Variants in INPP4B observed in about 807,000 individuals in gnomAD.
INPP4B encodes the protein inositol polyphosphate 4-phosphatase type II.
In INPP4B, 55 loss-of-function variants were observed where a neutral mutation model predicts 122.5. The ratio of observed to expected loss-of-function variants is 0.45; its 90% CI spans 0.36 to 0.56. The LOEUF (loss-of-function observed/expected upper bound fraction) is 0.56. Ranked by LOEUF, INPP4B falls within the 20% of genes least tolerant of loss-of-function variation. The probability of loss-of-function intolerance (pLI) is 0.00; values close to 1 mark genes in which losing one functional copy is unlikely to be tolerated. For synonymous variants in INPP4B, 403 were observed against 388.7 expected (o/e 1.04, Z -0.43); for missense variants, 1,000 against 1,097.7 (o/e 0.91, Z 1.26).
chr4:142,193,002 G>T, intron 15 of INPP4B, 85 bp downstream of exon 15: 1 of 782,530 alleles, frequency 1.3e-6, no homozygotes, highest in Non-Finnish European at 2.2e-6. Flanking sequence ...TATACATTGT[G>T]ATGGACCAAT....
chr4:142,345,514 G>A, intron 7 of INPP4B, among the ~76,000 whole-genome samples: 1 of 151,996 alleles, frequency 6.6e-6, no homozygotes, highest in East Asian at 1.9e-4. Context: ...AATGGGTGTA[G>A]TTATATCACT....
chr4:142,257,024 A>T (rs1217961010), intron 11 of INPP4B, among the ~76,000 whole-genome samples: 2 of 152,244 alleles, frequency 1.3e-5, no homozygotes, highest in Non-Finnish European at 2.9e-5. Flanking sequence ...AGTGGGTTTC[A>T]TCCCTAGGAT....
intron 2 of INPP4B, among the ~76,000 whole-genome samples, chr4:142,603,018 T>G (rs1740394481): frequency 1.3e-5 from 2 of 152,140 alleles, no homozygotes; most frequent in African/African-American, 4.8e-5. Context: ...AAGAAAATGT[T>G]AAATATACAC....
chr4:142,120,104 C>T (rs1795938486), intron 21 of INPP4B, among the ~76,000 whole-genome samples: 1 of 151,862 alleles, frequency 6.6e-6, no homozygotes, highest in Non-Finnish European at 1.5e-5. Context: ...AAAGATTCTC[C>T]ATTCTCCATT....
At chr4:142,054,741 T>C (rs1044946513) in intron 25 of INPP4B, among the ~76,000 whole-genome samples, 1 of 152,116 alleles carries the variant, frequency 6.6e-6, no homozygotes, top group Non-Finnish European at 1.5e-5. Flanking sequence ...TATATCATGC[T>C]TAAATACATC....
chr4:142,653,304 T>C (rs1035665256), intron 2 of INPP4B, among the ~76,000 whole-genome samples: 1 of 152,152 alleles, frequency 6.6e-6, no homozygotes, highest in Admixed American at 6.5e-5. Context: ...ATTCAGAACA[T>C]AGGCATGGGC....
intron 1 of INPP4B, among the ~76,000 whole-genome samples, chr4:142,726,969 C>T (rs528300292): frequency 6.6e-6 from 1 of 152,036 alleles, no homozygotes; most frequent in Non-Finnish European, 1.5e-5. Flanking sequence ...ATTATTATTC[C>T]TATTATTATC....
intron 9 of INPP4B, among the ~76,000 whole-genome samples, chr4:142,295,377 A>G (rs1561776848): frequency 6.6e-6 from 1 of 152,072 alleles, no homozygotes; most frequent in Non-Finnish European, 1.5e-5. Context: ...TGGAGGCATG[A>G]TGTGTGGGGA....
chr4:142,528,919 T>G (rs1827258847), intron 2 of INPP4B, among the ~76,000 whole-genome samples: 1 of 152,160 alleles, frequency 6.6e-6, no homozygotes, highest in Non-Finnish European at 1.5e-5. Context: ...CTGTGTTTGT[T>G]GCCAATTACA....
chr4:142,394,547 A>G (rs955625807), intron 7 of INPP4B, among the ~76,000 whole-genome samples: 1 of 152,134 alleles, frequency 6.6e-6, no homozygotes. Context: ...TATGGTTTAA[A>G]TTTGCATTTC....
intron 1 of INPP4B, among the ~76,000 whole-genome samples, chr4:142,769,259 T>TA (rs1561048216): frequency 6.6e-6 from 1 of 152,142 alleles, no homozygotes; most frequent in African/African-American, 2.4e-5. Flanking sequence ...AGGGTCTACC[T>TA]AGTGCATGCT....
rs369899906 is a variant in INPP4B, at chr4:142,545,836, T to A, written c.-190-83110A>T. Reference sequence around the variant, plus strand: ...ATACATGTGTGTATATATATATATATAAAATGGTCTGTTGTTCAAATAATT... The same window carrying A: ...ATACATGTGTGTATATATATATATAAAAAATGGTCTGTTGTTCAAATAATT... On this transcript the variant is annotated intron_variant, in intron 2 of 25. Coordinates refer to ENST00000262992, the MANE Select transcript of INPP4B (RefSeq NM_001101669.3). Among the ~76,000 whole-genome samples, 7 of 144,106 alleles carry A rather than the reference T, an allele frequency of 4.9e-5. No individual in the cohort carries two copies. The East Asian group carries it at 6.1e-4, about 13-fold the overall frequency. 94.5% of individuals were successfully genotyped at this position (144,106 alleles called of 152,430 possible).
chr4:142,252,010 T>G (rs1206924348), intron 11 of INPP4B, among the ~76,000 whole-genome samples: 4 of 152,216 alleles, frequency 2.6e-5, no homozygotes, highest in Non-Finnish European at 5.9e-5. Flanking sequence ...AGCAAAGGCC[T>G]TGGAATCAAA....
intron 7 of INPP4B, among the ~76,000 whole-genome samples, chr4:142,319,126 G>C (rs1466839467): frequency 6.6e-6 from 1 of 152,166 alleles, no homozygotes; most frequent in Non-Finnish European, 1.5e-5. Flanking sequence ...AGGCCATGCT[G>C]TCCTGGGTCT....
At chr4:142,489,961 T>C (rs1036636341) in intron 2 of INPP4B, among the ~76,000 whole-genome samples, 1 of 152,216 alleles carries the variant, frequency 6.6e-6, no homozygotes, top group African/African-American at 2.4e-5. Context: ...GTTTGCATGT[T>C]ATGTATTTTC....
At chr4:142,256,114 T>A (rs11721859) in intron 11 of INPP4B, among the ~76,000 whole-genome samples, 108,145 of 143,984 alleles carry the variant, frequency 0.75, 41,856 homozygotes, top group East Asian at 0.93. Flanking sequence ...ACTGGGTACA[T>A]AACGAAATGA....
intron 13 of INPP4B, 115 bp from the exon 14 acceptor site, chr4:142,208,644 C>T: frequency 3.5e-6 from 2 of 573,724 alleles, no homozygotes; most frequent in African/African-American, 1.9e-5. Flanking sequence ...AAAACATATC[C>T]TATATTTATG....
intron 7 of INPP4B, among the ~76,000 whole-genome samples, chr4:142,328,219 G>GA (rs1267726897): frequency 6.6e-6 from 1 of 151,764 alleles, no homozygotes. Flanking sequence ...CGTTTCAACA[G>GA]AAAAAAAAGT....
intron 2 of INPP4B, among the ~76,000 whole-genome samples, chr4:142,469,330 G>T (rs958167121): frequency 7.9e-5 from 12 of 151,948 alleles, no homozygotes; most frequent in Middle Eastern, 3.2e-3. Flanking sequence ...AAGAAATTAT[G>T]AATAACTCTG....
Sources: allele counts gnomAD v4.1 joint callset (sites outside exome capture counted in the v4.1 genomes callset), GRCh38; gene constraint gnomAD v4.1.1; transcripts MANE v1.5; gene names NCBI Gene and HGNC (gene_info 2026-07-23, HGNC 2026-07-21).